ATL1: variants seen among roughly 807,000 people sequenced by gnomAD.
The protein encoded by ATL1 is atlastin GTPase 1, also known as atlastin-1.
Under a neutral mutation model 75.5 loss-of-function variants are expected in ATL1, and 31 were observed. The ratio of observed to expected loss-of-function variants is 0.41; its 90% CI spans 0.31 to 0.55. The LOEUF (loss-of-function observed/expected upper bound fraction) is 0.55. ATL1 is among the 20% of genes least tolerant of loss of function. The pLI, the probability that ATL1 is intolerant of heterozygous loss-of-function variation, is 0.27. For synonymous variants in ATL1, 226 were observed against 233.3 expected (o/e 0.97, Z 0.28); for missense variants, 405 against 662.6 (o/e 0.61, Z 4.27).
intron 6 of ATL1, among the ~76,000 whole-genome samples, chr14:50,609,492 A>AT (rs1281542419): frequency 1.3e-5 from 2 of 151,992 alleles, no homozygotes; most frequent in Non-Finnish European, 2.9e-5. Flanking sequence ...AAAATGAGTA[A>AT]TTATGGGATA....
At chr14:50,554,503 G>C (rs1049653590) in intron 1 of ATL1, among the ~76,000 whole-genome samples, 1 of 152,204 alleles carries the variant, frequency 6.6e-6, no homozygotes, top group Non-Finnish European at 1.5e-5. Flanking sequence ...GTGGATTGTA[G>C]TGTGATGTGT....
intron 6 of ATL1, among the ~76,000 whole-genome samples, chr14:50,602,241 A>T (rs1164329515): frequency 6.6e-6 from 1 of 151,846 alleles, no homozygotes; most frequent in Non-Finnish European, 1.5e-5. Context: ...CACTTGTATG[A>T]CTCTGAGGAG....
intron 1 of ATL1, among the ~76,000 whole-genome samples, chr14:50,535,886 T>C (rs2038485120): frequency 6.6e-6 from 1 of 152,198 alleles, no homozygotes; most frequent in Non-Finnish European, 1.5e-5. Context: ...TAATGAATCA[T>C]GAGGGCAAGT....
At chr14:50,574,515 A>G (rs1285137038) in intron 1 of ATL1, among the ~76,000 whole-genome samples, 4 of 152,168 alleles carry the variant, frequency 2.6e-5, no homozygotes, top group Non-Finnish European at 5.9e-5. Flanking sequence ...TCCATTTTCA[A>G]TATAGCTGAC....
chr14:50,595,915 C>T (rs1402707900), intron 6 of ATL1, among the ~76,000 whole-genome samples: 4 of 151,518 alleles, frequency 2.6e-5, no homozygotes, highest in African/African-American at 9.7e-5. Flanking sequence ...CAAAGTGACT[C>T]TCAAAGTGCT....
chr14:50,613,423 A>C (rs191726581), intron 7 of ATL1, 72 bp downstream of exon 7: 4 of 1,173,020 alleles, frequency 3.4e-6, no homozygotes, highest in Non-Finnish European at 5.1e-6. Flanking sequence ...CATTTGGTGA[A>C]TAGATACTCA....
At chr14:50,550,665 A>G (rs945138937) in intron 1 of ATL1, among the ~76,000 whole-genome samples, 1 of 152,268 alleles carries the variant, frequency 6.6e-6, no homozygotes, top group Non-Finnish European at 1.5e-5. Flanking sequence ...ACAAGTCTCA[A>G]TAAACTTAAG....
rs558811795 is a variant in ATL1 at position 50,598,824 on chromosome 14, A to G, written c.630+3192A>G. 6.6e-5 allele frequency among the ~76,000 whole-genome samples: 10 copies of G among 150,700 alleles called. 1 individual carries two copies. The highest frequency in any genetic ancestry group is 1.3e-4 in the Admixed American group (2 of 15,058). Reference sequence around the variant, plus strand: ...TATATATATGGGAGCCTGGTAGTCAATAGAGGTGGCATCATAAACTGGTGG... The same window carrying G: ...TATATATATGGGAGCCTGGTAGTCAGTAGAGGTGGCATCATAAACTGGTGG... On this transcript the variant is annotated intron_variant, in intron 6 of 13. Transcript: ENST00000358385.
intron 6 of ATL1, among the ~76,000 whole-genome samples, chr14:50,597,782 C>T (rs2039234836): frequency 6.6e-6 from 1 of 152,096 alleles, no homozygotes; most frequent in African/African-American, 2.4e-5. Context: ...GCAAGCTCCA[C>T]CTCTGGGATT....
intron 6 of ATL1, among the ~76,000 whole-genome samples, chr14:50,597,643 G>C (rs145724916): frequency 6.6e-6 from 1 of 152,184 alleles, no homozygotes; most frequent in East Asian, 1.9e-4. Flanking sequence ...GCATTCTTTT[G>C]TAGGTATCAT....
intron 6 of ATL1, among the ~76,000 whole-genome samples, chr14:50,610,052 A>T (rs1006780102): frequency 1.3e-5 from 2 of 151,926 alleles, no homozygotes; most frequent in Non-Finnish European, 2.9e-5. Flanking sequence ...CAGGCCCCAT[A>T]AAACCTGGAT....
intron 1 of ATL1, among the ~76,000 whole-genome samples, chr14:50,553,874 T>C (rs998422453): frequency 6.6e-6 from 1 of 152,132 alleles, no homozygotes; most frequent in Non-Finnish European, 1.5e-5. Context: ...TATTGTATGT[T>C]CTCACTTAAA....
At chr14:50,594,953 C>T (rs1220053063) in intron 5 of ATL1, among the ~76,000 whole-genome samples, 1 of 142,104 alleles carries the variant, frequency 7.0e-6, no homozygotes, top group Non-Finnish European at 1.5e-5. Context: ...GAGCAGAGAT[C>T]ATGCCACTGC....
At chr14:50,560,841 G>A (rs978427133) in intron 1 of ATL1, among the ~76,000 whole-genome samples, 3 of 152,228 alleles carry the variant, frequency 2.0e-5, no homozygotes, top group Admixed American at 6.5e-5. Flanking sequence ...CCGGACGGAC[G>A]GTAGCAGACC....
At position 50,587,995 on chromosome 14, in the gene ATL1, G is replaced by A; in HGVS notation, c.199G>A (p.Val67Ile). 1.9e-6 allele frequency: 3 copies of A among 1,614,164 alleles called. No homozygotes were observed. The highest frequency in any genetic ancestry group is 1.7e-6 in the Non-Finnish European group (2 of 1,180,028). The change falls in exon 2 of 14, where the codon GTT becomes ATT. Residue 67 changes from valine (V) to isoleucine (I), a missense_variant. Physicochemically the swap from Val to Ile is conservative, Grantham distance 29 (BLOSUM62 3). Coordinates refer to ENST00000358385, the MANE Select transcript of ATL1 (RefSeq NM_015915.5). ...CTCGGAGGCTGTCAGAGACAAGGAG[G>A]TTGTTGCTGTATCTGTTGCTGGAGC... ...LLSEAVRDKEVVAVSVAGAFR... is the reference protein window; with the variant it reads ...LLSEAVRDKEIVAVSVAGAFR...
chr14:50,631,532 G>C (rs1462173032), intron 13 of ATL1, among the ~76,000 whole-genome samples: 1 of 152,166 alleles, frequency 6.6e-6, no homozygotes, highest in East Asian at 1.9e-4. Flanking sequence ...AGGAAACAAA[G>C]ATATCTATGA....
intron 1 of ATL1, among the ~76,000 whole-genome samples, chr14:50,563,167 A>G (rs1366833381): frequency 6.6e-6 from 1 of 152,198 alleles, no homozygotes; most frequent in Non-Finnish European, 1.5e-5. Flanking sequence ...TTTGATCTTC[A>G]ACCTCTTAAG....
intron 1 of ATL1, among the ~76,000 whole-genome samples, chr14:50,541,372 A>C (rs1276065136): frequency 1.3e-5 from 2 of 152,206 alleles, no homozygotes; most frequent in African/African-American, 4.8e-5. Context: ...AATACCAGAG[A>C]ACGAGAGATA....
chr14:50,610,590 A>G lies in ATL1; in HGVS notation c.631-2669A>G, dbSNP rs796851137. On this transcript the variant is annotated intron_variant, in intron 6 of 13. Transcript: ENST00000358385. Reference sequence around the variant, plus strand: ...TTTTTGATGTAGTGAATCCAATTAAATATAACACTAAAGCCAAACAACTTT... The same window carrying G: ...TTTTTGATGTAGTGAATCCAATTAAGTATAACACTAAAGCCAAACAACTTT... 9.2e-5 allele frequency among the ~76,000 whole-genome samples: 14 copies of G among 152,266 alleles called. 1 individual carries two copies. The highest frequency in any genetic ancestry group is 3.1e-4 in the African/African-American group (13 of 41,574).
Sources: allele counts gnomAD v4.1 joint callset (sites outside exome capture counted in the v4.1 genomes callset), GRCh38; gene constraint gnomAD v4.1.1; transcripts MANE v1.5; gene names NCBI Gene and HGNC (gene_info 2026-07-23, HGNC 2026-07-21).